The following HLF variants were observed in gnomAD, a reference collection of about 807,000 sequenced individuals.
HLF encodes the protein HLF transcription factor, PAR bZIP family member, also known as hepatic leukemia factor.
A neutral mutation model predicts 22.6 loss-of-function variants in HLF; 3 were observed. The ratio of observed to expected loss-of-function variants is 0.13; its 90% CI spans 0.06 to 0.34. The LOEUF is 0.34. Ranked by LOEUF, HLF falls within the 10% of genes least tolerant of loss-of-function variation. The pLI, the probability that HLF is intolerant of heterozygous loss-of-function variation, is 1.00. For synonymous variants in HLF, 151 were observed against 151.8 expected (o/e 0.99, Z 0.04); for missense variants, 299 against 389.2 (o/e 0.77, Z 1.95).
At chr17:55,301,904 A>T (rs1038870268) in intron 2 of HLF, among the ~76,000 whole-genome samples, 4 of 152,248 alleles carry the variant, frequency 2.6e-5, no homozygotes, top group African/African-American at 9.6e-5. Context: ...GAAAGCCTCC[A>T]CTGCACTCCA....
At chr17:55,268,967 C>T (rs971297985) in intron 2 of HLF, among the ~76,000 whole-genome samples, 8 of 152,096 alleles carry the variant, frequency 5.3e-5, no homozygotes, top group African/African-American at 1.7e-4. Context: ...GGAAGAAAGA[C>T]GATTTCATGT....
Position 55,319,756 on chromosome 17 carries a change from G to GA in HLF, c.673-908_673-907insA, listed in dbSNP as rs537174816. Among the ~76,000 whole-genome samples, 350 of 152,126 alleles carry GA rather than the reference G, an allele frequency of 2.3e-3. 2 individuals are homozygous for GA. The highest frequency in any genetic ancestry group is 0.02 in the Middle Eastern group (6 of 294). ...AATTTCTATTTTTAATTACCAAAGT[G>GA]TATGTATCTATTATATGATATTGTA... is the stretch of plus-strand genomic sequence containing the variant. On this transcript the variant is annotated intron_variant, in intron 3 of 3. Transcript: ENST00000226067.
At chr17:55,307,663 C>T (rs1408182560) in intron 2 of HLF, among the ~76,000 whole-genome samples, 1 of 152,092 alleles carries the variant, frequency 6.6e-6, no homozygotes, top group African/African-American at 2.4e-5. Flanking sequence ...TTATGTCCAG[C>T]TGCTCAGTAG....
intron 2 of HLF, chr17:55,283,552 G>A (rs1171047660): frequency 2.6e-5 from 4 of 152,234 alleles, no homozygotes; most frequent in Non-Finnish European, 5.9e-5. Context: ...TGTTTTCTGA[G>A]CCTCCAGCAC....
intron 3 of HLF, among the ~76,000 whole-genome samples, chr17:55,319,723 T>G (rs1905198620): frequency 6.6e-6 from 1 of 152,202 alleles, no homozygotes; most frequent in Non-Finnish European, 1.5e-5. Flanking sequence ...TTGAAGATTT[T>G]TTTTTTTAAT....
intron 3 of HLF, among the ~76,000 whole-genome samples, chr17:55,318,662 C>A (rs897054921): frequency 2.0e-5 from 3 of 152,116 alleles, no homozygotes; most frequent in Non-Finnish European, 4.4e-5. Context: ...GCTCCTGTTC[C>A]CCCGTGTGCA....
intron 2 of HLF, chr17:55,273,481 T>G (rs544853196): frequency 6.6e-5 from 10 of 152,372 alleles, no homozygotes; most frequent in African/African-American, 2.2e-4. Context: ...CATGCATTTT[T>G]TTTCTTTCCC....
chr17:55,275,997 A>G (rs1294499021), intron 2 of HLF, among the ~76,000 whole-genome samples: 2 of 152,118 alleles, frequency 1.3e-5, no homozygotes, highest in African/African-American at 4.8e-5. Context: ...AGTCTTGGCT[A>G]CTTGGGAGGC....
rs1011159795 is a variant in HLF at position 55,321,950 on chromosome 17, T to G, written c.*1071T>G. On this transcript the variant is annotated 3_prime_UTR_variant, in exon 4 of 4. Coordinates refer to ENST00000226067, the MANE Select transcript of HLF (RefSeq NM_002126.5). ...GACATTCAAAACAGTTACTTAAGAT[T>G]CAGTTTTCCCACTTTTTGGTAATAT... The G allele has an allele frequency of 1.8e-5, 4 of 228,216 alleles. No individual in the cohort carries two copies. The highest frequency in any genetic ancestry group is 3.5e-5 in the Non-Finnish European group (4 of 114,586). The allele number at this position is 228,216 out of a possible 1,614,324, so 14.1% of individuals were successfully genotyped here. A position where few individuals can be genotyped will look rare whatever the true frequency, so the allele number is the denominator to read the frequency against.
rs1296557397 is a variant in HLF, at chr17:55,306,270, A to G, written c.452-8957A>G. 3.3e-5 allele frequency among the ~76,000 whole-genome samples: 5 copies of G among 152,304 alleles called. No individual in the cohort carries two copies. In the South Asian group the frequency reaches 1.0e-3, roughly 32 times the overall value. Reference sequence around the variant, plus strand: ...TTCAGTAGGCCAGGGAAGCCCGTCTACCAGCCTACAGGACGTCATTGCATT... The same window carrying G: ...TTCAGTAGGCCAGGGAAGCCCGTCTGCCAGCCTACAGGACGTCATTGCATT... On this transcript the variant is annotated intron_variant, in intron 2 of 3. Transcript: ENST00000226067.
intron 2 of HLF, among the ~76,000 whole-genome samples, chr17:55,294,233 G>A (rs920447425): frequency 1.3e-5 from 2 of 152,210 alleles, no homozygotes; most frequent in African/African-American, 4.8e-5. Context: ...ACACTATGCT[G>A]ATCTGCCCCA....
At chr17:55,285,740 C>CT (rs1281408183) in intron 2 of HLF, among the ~76,000 whole-genome samples, 7 of 152,234 alleles carry the variant, frequency 4.6e-5, no homozygotes, top group African/African-American at 1.7e-4. Flanking sequence ...CTGGGCCAAG[C>CT]TTACATTTCA....
chr17:55,277,048 C>G (rs2080909967), intron 2 of HLF, among the ~76,000 whole-genome samples: 1 of 152,114 alleles, frequency 6.6e-6, no homozygotes. Context: ...GGGAAACACT[C>G]TTTGGCAAGG....
At position 55,321,191 on chromosome 17, in the gene HLF, C is replaced by T; in HGVS notation, c.*312C>T. On this transcript the variant is annotated 3_prime_UTR_variant, in exon 4 of 4. Transcript: ENST00000226067. ...ACTGAGGAGCCCTCTCGCGGGTCTCCCATCCCCTCCCTCCTTCACTCCTGC... is the reference window on the plus strand; with the variant it reads ...ACTGAGGAGCCCTCTCGCGGGTCTCTCATCCCCTCCCTCCTTCACTCCTGC... 1 of 313,998 alleles carries T rather than the reference C, an allele frequency of 3.2e-6. No homozygotes were observed. The highest frequency in any genetic ancestry group is 5.0e-5 in the East Asian group (1 of 20,160). 19.5% of individuals were successfully genotyped at this position (313,998 alleles called of 1,614,324 possible). A position where few individuals can be genotyped will look rare whatever the true frequency, so the allele number is the denominator to read the frequency against.
chr17:55,313,018 G>A (rs896432975), intron 2 of HLF, among the ~76,000 whole-genome samples: 7 of 152,112 alleles, frequency 4.6e-5, no homozygotes, highest in Admixed American at 1.3e-4. Context: ...GTTTTGTTTC[G>A]CAGGTCCTTT....
chr17:55,305,977 T>C (rs779267197), intron 2 of HLF, among the ~76,000 whole-genome samples: 2 of 152,374 alleles, frequency 1.3e-5, no homozygotes, highest in South Asian at 4.1e-4. Context: ...TTTCCACATA[T>C]GGAAAATGGG....
At chr17:55,288,671 G>A (rs143992932) in intron 2 of HLF, among the ~76,000 whole-genome samples, 5,680 of 151,552 alleles carry the variant, frequency 0.037, 133 homozygotes, top group Non-Finnish European at 0.053. Flanking sequence ...TGGGAGGATC[G>A]CTTGAGCCCA....
At chr17:55,316,974 T>TTG (rs1555609897) in intron 3 of HLF, among the ~76,000 whole-genome samples, 2 of 146,276 alleles carry the variant, frequency 1.4e-5, no homozygotes, top group Admixed American at 6.8e-5. Context: ...TGTTTTTTTT[T>TTG]TTTTTTTTTT....
rs1364914399 is a variant in HLF at position 55,265,321 on chromosome 17, ATG to A, written c.-162_-161del. ...TTTTTTAATATATATTTTTATGCAG[ATG>A]TATTTATAAAGATATAAGTAATTTT... On this transcript the variant is annotated 5_prime_UTR_variant, in exon 1 of 4. An upstream start codon of the reference 5' UTR is lost. Transcript: ENST00000226067. 64 of 563,412 alleles carry A rather than the reference ATG, an allele frequency of 1.1e-4. No homozygotes were observed. The highest frequency in any genetic ancestry group is 1.9e-4 in the Non-Finnish European group (60 of 321,550). The allele number at this position is 563,412 out of a possible 1,614,324, so 34.9% of individuals were successfully genotyped here.
Sources: gnomAD v4.1 joint callset for allele counts (sites outside exome capture counted in the v4.1 genomes callset) on GRCh38, gnomAD v4.1.1 for gene constraint, MANE v1.5 for transcripts, NCBI Gene and HGNC (gene_info 2026-07-23, HGNC 2026-07-21) for gene names.